The following AKT3 variants were observed in gnomAD, a reference collection of about 807,000 sequenced individuals.
AKT3 encodes the protein RAC-gamma serine/threonine-protein kinase.
In AKT3, 15 loss-of-function variants were observed where a neutral mutation model predicts 65.3. The observed-to-expected ratio is 0.23, with a 90% CI of 0.15 to 0.35. The LOEUF is 0.35. Ranked by LOEUF, AKT3 falls within the 10% of genes least tolerant of loss-of-function variation. AKT3 has a pLI of 1.00. For missense variants in AKT3, 243 were observed against 576.5 expected (o/e 0.42, Z 5.92); for synonymous variants, 206 against 183.8 (o/e 1.12, Z -0.98).
At chr1:243,627,823 A>G (rs1452436650) in intron 6 of AKT3, among the ~76,000 whole-genome samples, 1 of 152,240 alleles carries the variant, frequency 6.6e-6, no homozygotes, top group African/African-American at 2.4e-5. Context: ...AGTTTTGCGA[A>G]GAAAAATTCT....
At chr1:243,659,706 C>G (rs1412550989) in intron 4 of AKT3, among the ~76,000 whole-genome samples, 1 of 152,090 alleles carries the variant, frequency 6.6e-6, no homozygotes, top group South Asian at 2.1e-4. Context: ...AGAGTCCACC[C>G]TTATATCATG....
At chr1:243,636,024 G>T (rs753829476) in intron 6 of AKT3, among the ~76,000 whole-genome samples, 3 of 152,044 alleles carry the variant, frequency 2.0e-5, no homozygotes, top group Non-Finnish European at 4.4e-5. Context: ...TCAGAAAAGT[G>T]TAAGTAGTGA....
At chr1:243,813,801 T>A (rs1015199342) in intron 2 of AKT3, among the ~76,000 whole-genome samples, 2 of 152,204 alleles carry the variant, frequency 1.3e-5, no homozygotes, top group Non-Finnish European at 2.9e-5. Flanking sequence ...ATGATTCAAT[T>A]AAAAATTTTA....
chr1:243,497,311 G>A (rs1335800487), downstream of AKT3, among the ~76,000 whole-genome samples: 1 of 148,782 alleles, frequency 6.7e-6, no homozygotes, highest in African/African-American at 2.5e-5. Context: ...CGCTCACCAT[G>A]GGTCAGGCAC....
chr1:243,526,549 T>C (rs1671094084), intron 12 of AKT3, among the ~76,000 whole-genome samples: 1 of 152,268 alleles, frequency 6.6e-6, no homozygotes, highest in Middle Eastern at 3.4e-3. Context: ...TGGCTCAGTC[T>C]AGTCAACTGA....
At chr1:243,694,528 CTTTTTT>C (rs199852052) in intron 3 of AKT3, among the ~76,000 whole-genome samples, 1 of 147,382 alleles carries the variant, frequency 6.8e-6, no homozygotes, top group Non-Finnish European at 1.5e-5. Context: ...ACAGAGAAAG[CTTTTTT>C]TTTTAAGTTA....
intron 2 of AKT3, among the ~76,000 whole-genome samples, chr1:243,758,923 C>T (rs1040725189): frequency 6.6e-6 from 1 of 152,102 alleles, no homozygotes; most frequent in African/African-American, 2.4e-5. Flanking sequence ...CCTGAAAGGA[C>T]TTTCGGCTTT....
intron 4 of AKT3, among the ~76,000 whole-genome samples, chr1:243,663,526 T>A (rs1389619485): frequency 6.6e-6 from 1 of 152,062 alleles, no homozygotes; most frequent in African/African-American, 2.4e-5. Flanking sequence ...CAGAACTGTA[T>A]CTATATGAAA....
Position 243,754,559 on chromosome 1 carries a change from A to AGAGGTGAGCAG in AKT3, c.47-58854_47-58844dup, listed in dbSNP as rs565285173. ...CTGTTAGGAACCAGGCCACGCAGCA[A>AGAGGTGAGCAG]GAGGTGAGCAGCAGGTGAGCGAGCA... is the stretch of plus-strand genomic sequence containing the variant. On this transcript the variant is annotated intron_variant, in intron 2 of 13. Transcript: ENST00000673466. 7.2e-5 allele frequency among the ~76,000 whole-genome samples: 11 copies of AGAGGTGAGCAG among 152,300 alleles called. No individual in the cohort carries two copies. In the South Asian group the frequency reaches 2.1e-3, roughly 29 times the overall value.
intron 11 of AKT3, among the ~76,000 whole-genome samples, chr1:243,548,603 T>C (rs537081537): frequency 6.6e-6 from 1 of 152,294 alleles, no homozygotes; most frequent in Admixed American, 6.5e-5. Context: ...TAACAAAATA[T>C]GCTTTGAAGT....
rs1367655878 is a variant in AKT3, at chr1:243,720,298, C to A, written c.47-24582G>T. Among the ~76,000 whole-genome samples, 4 of 149,690 alleles carry A rather than the reference C, an allele frequency of 2.7e-5. No individual in the cohort carries two copies. The East Asian group carries it at 5.8e-4, about 22-fold the overall frequency. Reference sequence around the variant, plus strand: ...GGGCAACAAGAACAAAACTCAAACTCAAAAAAAATTAAAAATAAAATAAAA... The same window carrying A: ...GGGCAACAAGAACAAAACTCAAACTAAAAAAAAATTAAAAATAAAATAAAA... On this transcript the variant is annotated intron_variant, in intron 2 of 13. Transcript: ENST00000673466.
At chr1:243,745,434 A>G (rs893773672) in intron 2 of AKT3, among the ~76,000 whole-genome samples, 2 of 152,220 alleles carry the variant, frequency 1.3e-5, no homozygotes, top group Non-Finnish European at 1.5e-5. Flanking sequence ...GCATACTAAA[A>G]ACATGTATGG....
At chr1:243,616,609 T>C (rs967062065) in intron 6 of AKT3, among the ~76,000 whole-genome samples, 18 of 152,210 alleles carry the variant, frequency 1.2e-4, no homozygotes, top group African/African-American at 4.3e-4. Flanking sequence ...AAGCCCTTGC[T>C]GAATCAATTT....
chr1:243,494,163 T>C (rs1011964531), intron 13 of AKT3, among the ~76,000 whole-genome samples: 3 of 152,242 alleles, frequency 2.0e-5, no homozygotes, highest in African/African-American at 4.8e-5. Flanking sequence ...AACCAAGATT[T>C]TTTGGAAAGA....
intron 10 of AKT3, among the ~76,000 whole-genome samples, chr1:243,561,479 C>T (rs1673770215): frequency 6.6e-6 from 1 of 152,148 alleles, no homozygotes. Flanking sequence ...TACACTTCTA[C>T]CACCTCTTAG....
chr1:243,832,871 G>T (rs888350524), intron 2 of AKT3, among the ~76,000 whole-genome samples: 1 of 152,088 alleles, frequency 6.6e-6, no homozygotes, highest in Admixed American at 6.6e-5. Flanking sequence ...TAAAAATATG[G>T]TATTATAATC....
chr1:243,488,882 G>C, intron 13 of AKT3: 1 of 1,274,342 alleles, frequency 7.8e-7, no homozygotes, highest in Non-Finnish European at 1.1e-6. Flanking sequence ...CCAGAGCCTG[G>C]CACCTCAGGG....
At chr1:243,625,268 A>C (rs925148034) in intron 6 of AKT3, among the ~76,000 whole-genome samples, 2 of 150,436 alleles carry the variant, frequency 1.3e-5, no homozygotes, top group Non-Finnish European at 2.9e-5. Context: ...AGTAGCTGGG[A>C]TTACAGACGC....
At chr1:243,546,621 A>G (rs1382763161) in intron 11 of AKT3, 1 of 151,888 alleles carries the variant, frequency 6.6e-6, no homozygotes, top group African/African-American at 2.4e-5. Context: ...TTTCAAAGGC[A>G]CAGTAGATAC....
Sources: allele counts gnomAD v4.1 joint callset (sites outside exome capture counted in the v4.1 genomes callset), GRCh38; gene constraint gnomAD v4.1.1; transcripts MANE v1.5; gene names NCBI Gene and HGNC (gene_info 2026-07-23, HGNC 2026-07-21).